ASIC2: variants seen among roughly 807,000 people sequenced by gnomAD.
ASIC2 encodes the protein acid sensing ion channel subunit 2, also known as acid-sensing ion channel 2.
ASIC2 carries 25 observed loss-of-function variants against 57.3 expected under a neutral mutation model. The ratio of observed to expected loss-of-function variants is 0.44; its 90% CI spans 0.32 to 0.61. The LOEUF (loss-of-function observed/expected upper bound fraction) is 0.61, where lower values mean the gene tolerates loss of function less well. Among genes scored for constraint, ASIC2 ranks in the 20% least tolerant of loss-of-function variants. The pLI, the probability that ASIC2 is intolerant of heterozygous loss-of-function variation, is 0.06. For synonymous variants in ASIC2, 319 were observed against 307.5 expected (o/e 1.04, Z -0.39); for missense variants, 641 against 738.1 (o/e 0.87, Z 1.52).
At chr17:33,936,248 G>A (rs372169976) in intron 1 of ASIC2, 2 of 152,232 alleles carry the variant, frequency 1.3e-5, no homozygotes, top group Non-Finnish European at 2.9e-5. Flanking sequence ...GCCCACAAAG[G>A]TCTGGAATTC....
At chr17:33,309,820 T>C (rs982121651) in intron 1 of ASIC2, among the ~76,000 whole-genome samples, 2 of 151,282 alleles carry the variant, frequency 1.3e-5, no homozygotes, top group Non-Finnish European at 2.9e-5. Context: ...ATTTTATTCT[T>C]GACAGTAATC....
chr17:33,673,497 C>T (rs965198677), intron 1 of ASIC2, among the ~76,000 whole-genome samples: 2 of 152,124 alleles, frequency 1.3e-5, no homozygotes, highest in Non-Finnish European at 2.9e-5. Flanking sequence ...CTGATGCAAA[C>T]CCTTTTTTAA....
chr17:33,273,175 C>CT (rs1198911159), intron 1 of ASIC2, among the ~76,000 whole-genome samples: 2 of 151,962 alleles, frequency 1.3e-5, no homozygotes, highest in Non-Finnish European at 2.9e-5. Flanking sequence ...TTTAGGAGGA[C>CT]TTTTTTTGGT....
At chr17:33,986,901 T>G (rs1335785410) in intron 1 of ASIC2, among the ~76,000 whole-genome samples, 1 of 152,192 alleles carries the variant, frequency 6.6e-6, no homozygotes, top group Non-Finnish European at 1.5e-5. Context: ...AATGGCATTT[T>G]TCAAATGCCA....
intron 1 of ASIC2, among the ~76,000 whole-genome samples, chr17:33,599,639 G>T (rs890212095): frequency 5.9e-5 from 9 of 152,304 alleles, no homozygotes; most frequent in Non-Finnish European, 1.3e-4. Flanking sequence ...TAAAGTGAGG[G>T]ACTGAACACA....
intron 1 of ASIC2, among the ~76,000 whole-genome samples, chr17:34,085,385 A>T (rs1910072165): frequency 6.6e-6 from 1 of 152,228 alleles, no homozygotes; most frequent in Admixed American, 6.5e-5. Flanking sequence ...CCAGGGATGA[A>T]GCCCACTTGA....
intron 1 of ASIC2, among the ~76,000 whole-genome samples, chr17:33,235,867 A>T (rs1023983196): frequency 6.6e-6 from 1 of 151,638 alleles, no homozygotes; most frequent in Non-Finnish European, 1.5e-5. Flanking sequence ...ACAGAGTTTC[A>T]CTCTTGTTGC....
chr17:34,086,378 A>G (rs1910113142), intron 1 of ASIC2, among the ~76,000 whole-genome samples: 1 of 152,050 alleles, frequency 6.6e-6, no homozygotes, highest in African/African-American at 2.4e-5. Context: ...CTGAGTTCTA[A>G]TTTGATTGCA....
intron 8 of ASIC2, 28 bp from the exon 9 acceptor site, chr17:33,016,067 C>G (rs762954958): frequency 3.7e-6 from 6 of 1,612,380 alleles, no homozygotes; most frequent in Non-Finnish European, 5.1e-6. Context: ...AGGGGTTGGT[C>G]AGGCCGGGAA....
Position 33,293,123 on chromosome 17 carries a change from C to T in ASIC2, c.-1008G>A. 2.4e-6 allele frequency: 2 copies of T among 835,710 alleles called. No individual in the cohort carries two copies. Among genetic ancestry groups the T allele is most frequent in the Non-Finnish European group, 2.9e-6 (2 of 693,598 alleles). 51.8% of individuals were successfully genotyped at this position (835,710 alleles called of 1,614,324 possible). A position where few individuals can be genotyped will look rare whatever the true frequency, so the allele number is the denominator to read the frequency against. The stretch of plus-strand genomic sequence containing the variant: ...ACCCGGACTCGCTGCTCCGCGCGCC[C>T]TTCTCCTCTCGAGACTCCGAGCTCG... On this transcript the variant is annotated 5_prime_UTR_variant, in exon 1 of 10. Coordinates refer to ENST00000225823, the MANE Select transcript of ASIC2 (RefSeq NM_183377.2).
chr17:34,005,753 T>C (rs1906503938), intron 1 of ASIC2: 1 of 152,248 alleles, frequency 6.6e-6, no homozygotes, highest in South Asian at 2.1e-4. Context: ...ACGGTGGCCC[T>C]TGCCTGCAGA....
intron 1 of ASIC2, among the ~76,000 whole-genome samples, chr17:33,868,636 G>A (rs1263359077): frequency 6.6e-6 from 1 of 151,926 alleles, no homozygotes; most frequent in Non-Finnish European, 1.5e-5. Flanking sequence ...GTGCCCAAAG[G>A]GCACCATCAA....
At chr17:33,464,448 C>G (rs553535149) in intron 1 of ASIC2, among the ~76,000 whole-genome samples, 2 of 110,434 alleles carry the variant, frequency 1.8e-5, no homozygotes, top group African/African-American at 7.4e-5. Flanking sequence ...TCTACACATG[C>G]CTCTTTTTCT....
At chr17:33,640,732 G>A (rs1204618839) in intron 1 of ASIC2, among the ~76,000 whole-genome samples, 1 of 152,180 alleles carries the variant, frequency 6.6e-6, no homozygotes, top group East Asian at 1.9e-4. Flanking sequence ...CCCATTCTGC[G>A]GTGTGGAGTC....
At chr17:33,656,427 C>T (rs1907077157) in intron 1 of ASIC2, among the ~76,000 whole-genome samples, 2 of 152,170 alleles carry the variant, frequency 1.3e-5, no homozygotes, top group Non-Finnish European at 2.9e-5. Context: ...TGTCCCCCAA[C>T]ATTGCAAATG....
intron 3 of ASIC2, among the ~76,000 whole-genome samples, chr17:33,057,571 C>T (rs1214150684): frequency 1.3e-5 from 2 of 152,226 alleles, no homozygotes; most frequent in African/African-American, 2.4e-5. Context: ...ACTACCAAAC[C>T]CCAGAGTCTT....
At chr17:33,242,577 C>T (rs573155477) in intron 1 of ASIC2, among the ~76,000 whole-genome samples, 1 of 152,298 alleles carries the variant, frequency 6.6e-6, no homozygotes, top group South Asian at 2.1e-4. Flanking sequence ...TGTGGTTCCA[C>T]AGCCAAGTAC....
intron 1 of ASIC2, chr17:34,155,647 C>A (rs909218648): frequency 2.2e-5 from 7 of 312,172 alleles, no homozygotes; most frequent in South Asian, 9.5e-5. Context: ...TCACACAGCT[C>A]GGACACCAAG....
chr17:34,032,589 C>A (rs950599384), intron 1 of ASIC2, among the ~76,000 whole-genome samples: 2 of 152,106 alleles, frequency 1.3e-5, no homozygotes, highest in Non-Finnish European at 2.9e-5. Context: ...AGAGTCAAGA[C>A]CCATCAGTGT....
Sources: allele counts gnomAD v4.1 joint callset (sites outside exome capture counted in the v4.1 genomes callset), GRCh38; gene constraint gnomAD v4.1.1; transcripts MANE v1.5; gene names NCBI Gene and HGNC (gene_info 2026-07-23, HGNC 2026-07-21).